The following CSE1L variants were observed in gnomAD, a reference collection of about 807,000 sequenced individuals.
The protein encoded by CSE1L is chromosome segregation 1 like, also known as exportin-2.
CSE1L carries 24 observed loss-of-function variants against 120.4 expected under a neutral mutation model. The observed-to-expected ratio is 0.20, with a 90% CI of 0.14 to 0.28. The LOEUF (loss-of-function observed/expected upper bound fraction) is 0.28, where lower values mean the gene tolerates loss of function less well. Ranked by LOEUF, CSE1L falls within the 10% of genes least tolerant of loss-of-function variation. The pLI is 1.00. For missense variants in CSE1L, 830 were observed against 1,145.2 expected (o/e 0.72, Z 3.97); for synonymous variants, 402 against 398.3 (o/e 1.01, Z -0.11).
At chr20:49,079,664 C>T (rs938545317) in intron 14 of CSE1L, among the ~76,000 whole-genome samples, 1 of 152,070 alleles carries the variant, frequency 6.6e-6, no homozygotes, top group African/African-American at 2.4e-5. Context: ...CTGAATATCC[C>T]AAAATTGATG....
intron 10 of CSE1L, 120 bp downstream of exon 10, chr20:49,072,817 T>C: frequency 9.4e-7 from 1 of 1,060,786 alleles, no homozygotes; most frequent in South Asian, 2.2e-5. Flanking sequence ...TTTCTTATTT[T>C]CTAAACCAAG....
rs1469914535 is a variant in CSE1L at position 49,085,358 on chromosome 20, C to T, written c.1695C>T (p.Gly565=). ...TTTTCAAAGCTCTCACACTTCCTGG[C>T]TCTTCAGAAAATGAATATATTATGA... The part of the protein sequence containing the change: ...TNLFKALTLP[G]SSENEYIMKA... Residue 565 remains glycine, a synonymous_variant, in exon 16 of 25, where the codon GGC becomes GGT. Transcript: ENST00000262982. 2 of 1,613,638 alleles carry T rather than the reference C, an allele frequency of 1.2e-6. No homozygotes were observed. Among genetic ancestry groups the T allele is most frequent in the Non-Finnish European group, 1.7e-6 (2 of 1,179,830 alleles).
At position 49,055,528 on chromosome 20, in the gene CSE1L, G is replaced by A. The variant is rs559528226; in HGVS notation, c.-11-2925G>A. 2.0e-5 allele frequency among the ~76,000 whole-genome samples: 3 copies of A among 151,996 alleles called. No homozygotes were observed. The South Asian group carries it at 6.2e-4, about 32-fold the overall frequency. Reference sequence around the variant, plus strand: ...GGTCAGGAGTTCAAGACCAGCCTGCGCAATATGGTGAAACCCCATCTCTAC... The same window carrying A: ...GGTCAGGAGTTCAAGACCAGCCTGCACAATATGGTGAAACCCCATCTCTAC... On this transcript the variant is annotated intron_variant, in intron 1 of 24. Coordinates refer to ENST00000262982, the MANE Select transcript of CSE1L (RefSeq NM_001316.4).
At chr20:49,062,883 A>T (rs368868894) in intron 2 of CSE1L, among the ~76,000 whole-genome samples, 1 of 151,980 alleles carries the variant, frequency 6.6e-6, no homozygotes, top group Non-Finnish European at 1.5e-5. Context: ...ACCTGGGTAT[A>T]TGAAGTCTTG....
At chr20:49,066,144 A>T (rs746016724) in intron 3 of CSE1L, 48 bp from the exon 4 acceptor site, 3 of 1,451,394 alleles carry the variant, frequency 2.1e-6, no homozygotes, top group Non-Finnish European at 2.9e-6. Context: ...TCATGTGGAC[A>T]TGAATGTGGA....
chr20:49,076,936 A>G (rs932001656), intron 12 of CSE1L, 44 bp from the exon 13 acceptor site: 1 of 1,234,996 alleles, frequency 8.1e-7, no homozygotes. Flanking sequence ...ATAGATATAT[A>G]CAGGTATTTT....
At chr20:49,065,313 A>ATTTT (rs376073464) in intron 3 of CSE1L, among the ~76,000 whole-genome samples, 1,429 of 52,052 alleles carry the variant, frequency 0.027, 209 homozygotes, top group Non-Finnish European at 0.038. Flanking sequence ...TGAAAAAAAA[A>ATTTT]TTTTTTTTTT....
intron 18 of CSE1L, 52 bp from the exon 19 acceptor site, chr20:49,089,486 T>C (rs1166451143): frequency 6.2e-7 from 1 of 1,606,594 alleles, no homozygotes; most frequent in East Asian, 2.2e-5. Context: ...GGGCCTTTTG[T>C]GTCAGTCATT....
At chr20:49,058,668 T>A in intron 2 of CSE1L, 120 bp downstream of exon 2, 1 of 714,934 alleles carries the variant, frequency 1.4e-6, no homozygotes, top group Non-Finnish European at 2.3e-6. Context: ...TTCTCAAGCG[T>A]AGTTTATAAG....
chr20:49,070,701 TG>T (rs3092097), intron 8 of CSE1L, among the ~76,000 whole-genome samples: 103,875 of 152,160 alleles, frequency 0.68, 36,856 homozygotes, highest in African/African-American at 0.9. Flanking sequence ...GCGGCCAAGG[TG>T]GGGAGGATCC....
intron 15 of CSE1L, among the ~76,000 whole-genome samples, chr20:49,084,868 A>G (rs1289607712): frequency 6.6e-6 from 1 of 152,294 alleles, no homozygotes; most frequent in East Asian, 1.9e-4. Flanking sequence ...GGTAGAAAGG[A>G]CATCCTTTGA....
chr20:49,083,254 C>T (rs1196163806), intron 14 of CSE1L, among the ~76,000 whole-genome samples: 2 of 151,636 alleles, frequency 1.3e-5, no homozygotes, highest in East Asian at 2.0e-4. Flanking sequence ...CTCATGACCT[C>T]GTGATCTACC....
At position 49,089,348 on chromosome 20, in the gene CSE1L, G is replaced by A. The variant is rs372337206; in HGVS notation, c.1923G>A (p.Glu641=). 2.5e-6 allele frequency: 4 copies of A among 1,613,018 alleles called. No homozygotes were observed. Among genetic ancestry groups the A allele is most frequent in the Non-Finnish European group, 3.4e-6 (4 of 1,179,766 alleles). The change falls in exon 18 of 25, where the codon GAG becomes GAA. Residue 641 remains glutamate (E), a synonymous_variant. Coordinates refer to ENST00000262982, the MANE Select transcript of CSE1L (RefSeq NM_001316.4). ...KANPAAVVNF[E]EALFLVFTEI... ...ACCCTGCTGCTGTTGTAAATTTTGA[G>A]GAGGCTTTGTTTTTGGTGTTTACTG...
intron 15 of CSE1L, 53 bp from the exon 16 acceptor site, chr20:49,085,230 C>T (rs1051204724): frequency 2.9e-6 from 4 of 1,359,644 alleles, no homozygotes; most frequent in Non-Finnish European, 4.2e-6. Context: ...GGGTAATCTG[C>T]AGTGACAAGC....
intron 16 of CSE1L, among the ~76,000 whole-genome samples, 173 bp downstream of exon 16, chr20:49,085,559 ATAATTTTTTTT>A (rs966225092): frequency 2.2e-5 from 2 of 92,306 alleles, no homozygotes; most frequent in African/African-American, 8.1e-5. Flanking sequence ...ACTACTAACA[ATAATTTTTTTT>A]TTTTTTTTTT....
chr20:49,073,138 A>G (rs2091944980), intron 10 of CSE1L, among the ~76,000 whole-genome samples: 1 of 151,922 alleles, frequency 6.6e-6, no homozygotes, highest in Non-Finnish European at 1.5e-5. Flanking sequence ...CAGTCTTCTG[A>G]GTAGCTGGGA....
At position 49,068,822 on chromosome 20, in the gene CSE1L, G is replaced by A; in HGVS notation, c.675G>A (p.Gln225=). The stretch of plus-strand genomic sequence containing the variant: ...AATTGTTCTATAGTTTAAACTTTCA[G>A]GTAAGTTCATTTGATTTCTTGCTTT... ...ISKLFYSLNF[Q]DLPEFFEDNM... is the part of the protein sequence containing the mutation. The change falls in exon 7 of 25, where the codon CAG becomes CAA. Residue 225 remains glutamine (Q), a splice_region_variant and synonymous_variant. Coordinates refer to ENST00000262982, the MANE Select transcript of CSE1L (RefSeq NM_001316.4). 6.3e-7 allele frequency: 1 copy of A among 1,580,990 alleles called. No homozygotes were observed. Among genetic ancestry groups the A allele is most frequent in the Non-Finnish European group, 8.7e-7 (1 of 1,149,786 alleles).
rs2091973308 is a variant in CSE1L, at chr20:49,076,971, G to C, written c.1336-9G>C. Reference sequence around the variant, plus strand: ...TGTTATTTTACTATGTTATGAATTTGCTTTTCAGCATGGAATTACACAAGC... The same window carrying C: ...TGTTATTTTACTATGTTATGAATTTCCTTTTCAGCATGGAATTACACAAGC... On this transcript the variant is annotated splice_polypyrimidine_tract_variant and intron_variant, in intron 12 of 24. Transcript: ENST00000262982. The C allele has an allele frequency of 6.4e-7, 1 of 1,574,672 alleles. No homozygotes were observed.
In CSE1L at chr20:49,089,357, GT is replaced by G; in HGVS notation, c.1937del (p.Leu646TrpfsTer21). On this transcript the variant is annotated frameshift_variant, in exon 18 of 25. Coordinates refer to ENST00000262982, the MANE Select transcript of CSE1L (RefSeq NM_001316.4). LOFTEE classifies it high-confidence loss of function. ...AAVVNFEEALFLVFTEILQND... is the reference protein window; with the variant it reads ...AAVVNFEEALXLVFTEILQND... The stretch of plus-strand genomic sequence containing the variant: ...CTGTTGTAAATTTTGAGGAGGCTTT[GT>G]TTTTGGTGTTTACTGAAATCTTACA... The G allele has an allele frequency of 6.2e-7, 1 of 1,611,508 alleles. No individual in the cohort carries two copies. The highest frequency in any genetic ancestry group is 1.1e-5 in the South Asian group (1 of 90,096).
Sources: gnomAD v4.1 joint callset for allele counts (sites outside exome capture counted in the v4.1 genomes callset) on GRCh38, gnomAD v4.1.1 for gene constraint, MANE v1.5 for transcripts, NCBI Gene and HGNC (gene_info 2026-07-23, HGNC 2026-07-21) for gene names.